NOX4: variants seen among roughly 807,000 people sequenced by gnomAD.
NOX4 encodes the protein NADPH oxidase 4.
Under a neutral mutation model 87.6 loss-of-function variants are expected in NOX4, and 69 were observed. The ratio of observed to expected loss-of-function variants is 0.79; its 90% confidence interval spans 0.65 to 0.96. The LOEUF is 0.96. NOX4 is among the 40% of genes least tolerant of loss of function. The pLI is 0.00. For missense variants in NOX4, 680 were observed against 681.5 expected (o/e 1.00, Z 0.02); for synonymous variants, 275 against 238.2 (o/e 1.15, Z -1.42).
intron 8 of NOX4, among the ~76,000 whole-genome samples, chr11:89,412,682 A>T (rs1942542883): frequency 6.6e-6 from 1 of 152,096 alleles, no homozygotes; most frequent in Admixed American, 6.6e-5. Flanking sequence ...AAAAAAATCA[A>T]AATTGATTGA....
the NOX4 span, among the ~76,000 whole-genome samples, chr11:89,562,541 A>G: frequency 6.6e-6 from 1 of 152,268 alleles, no homozygotes; most frequent in Admixed American, 6.5e-5. Context: ...AGCCTAAAGT[A>G]CTTAACATGG....
the NOX4 span, among the ~76,000 whole-genome samples, chr11:89,554,623 A>T: frequency 6.6e-6 from 1 of 152,148 alleles, no homozygotes; most frequent in African/African-American, 2.4e-5. Flanking sequence ...AGACTTCTAG[A>T]TATTACCTAA....
intron 8 of NOX4, among the ~76,000 whole-genome samples, chr11:89,404,454 C>G (rs940635649): frequency 1.3e-5 from 2 of 152,048 alleles, no homozygotes; most frequent in African/African-American, 4.8e-5. Context: ...TTCAAAGAAG[C>G]TGAACATAAA....
chr11:89,517,694 G>A, the NOX4 span, among the ~76,000 whole-genome samples: 29 of 151,404 alleles, frequency 1.9e-4, no homozygotes, highest in African/African-American at 5.3e-4. Flanking sequence ...TGTTACCCAT[G>A]CTGGTCTCAA....
intron 2 of NOX4, among the ~76,000 whole-genome samples, chr11:89,478,784 C>T (rs181274902): frequency 6.6e-5 from 10 of 152,208 alleles, no homozygotes; most frequent in African/African-American, 2.2e-4. Flanking sequence ...CCAAGATTTA[C>T]GTTTGACTCA....
intron 8 of NOX4, among the ~76,000 whole-genome samples, chr11:89,412,633 C>T (rs565526112): frequency 6.6e-6 from 1 of 151,874 alleles, no homozygotes; most frequent in East Asian, 1.9e-4. Context: ...ATACAACATG[C>T]CAGAAGAATA....
At chr11:89,585,047 A>G in the NOX4 span, among the ~76,000 whole-genome samples, 1 of 152,082 alleles carries the variant, frequency 6.6e-6, no homozygotes, top group Admixed American at 6.6e-5. Flanking sequence ...GGGCCTCACC[A>G]TTATTGGGTG....
At chr11:89,437,551 A>G (rs913939844) in intron 6 of NOX4, among the ~76,000 whole-genome samples, 7 of 152,074 alleles carry the variant, frequency 4.6e-5, no homozygotes, top group African/African-American at 1.7e-4. Flanking sequence ...GCTGGCCAGC[A>G]TAGTACTTCT....
chr11:89,366,327 C>A (rs1014615985), intron 12 of NOX4, among the ~76,000 whole-genome samples: 15 of 152,062 alleles, frequency 9.9e-5, no homozygotes, highest in Non-Finnish European at 1.5e-5. Flanking sequence ...CACTTCACCA[C>A]AATAACTCTA....
chr11:89,532,794 T>C, the NOX4 span, among the ~76,000 whole-genome samples: 1 of 152,262 alleles, frequency 6.6e-6, no homozygotes, highest in East Asian at 1.9e-4. Flanking sequence ...TGGGCTACAA[T>C]AGGATCATGG....
chr11:89,562,137 C>T, the NOX4 span, among the ~76,000 whole-genome samples: 3 of 152,156 alleles, frequency 2.0e-5, no homozygotes, highest in South Asian at 6.2e-4. Flanking sequence ...CACCTATATT[C>T]ACTTGTTGCA....
chr11:89,421,606 T>G (rs1327261538), intron 8 of NOX4, among the ~76,000 whole-genome samples: 4 of 152,162 alleles, frequency 2.6e-5, no homozygotes, highest in Admixed American at 6.6e-5. Flanking sequence ...ATTCTTAAAT[T>G]TTTTCATTTA....
At chr11:89,458,769 A>T (rs755517675) in intron 2 of NOX4, among the ~76,000 whole-genome samples, 12 of 152,196 alleles carry the variant, frequency 7.9e-5, no homozygotes, top group Non-Finnish European at 1.2e-4. Context: ...ATCTCACACC[A>T]GTCAGAATGG....
intron 12 of NOX4, among the ~76,000 whole-genome samples, chr11:89,372,922 A>G (rs988642349): frequency 2.0e-5 from 3 of 151,948 alleles, no homozygotes; most frequent in African/African-American, 7.2e-5. Context: ...CTCTCAGGTA[A>G]TAAAAAGTAT....
chr11:89,373,713 G>A (rs1300759259), intron 11 of NOX4, among the ~76,000 whole-genome samples: 6 of 152,056 alleles, frequency 3.9e-5, no homozygotes, highest in African/African-American at 1.4e-4. Context: ...AAATACTTAT[G>A]TAAAACAATA....
At chr11:89,460,528 A>T (rs1279835285) in intron 2 of NOX4, among the ~76,000 whole-genome samples, 1 of 152,244 alleles carries the variant, frequency 6.6e-6, no homozygotes, top group African/African-American at 2.4e-5. Context: ...AAAAGAAGAC[A>T]TTTATGCAGC....
At chr11:89,350,655 AT>A (rs745709631) in intron 13 of NOX4, among the ~76,000 whole-genome samples, 14 of 152,334 alleles carry the variant, frequency 9.2e-5, no homozygotes, top group Non-Finnish European at 1.8e-4. Flanking sequence ...TGAGGAAAAA[AT>A]ATCAATGTAG....
chr11:89,490,952 C>T (rs577710229), intron 1 of NOX4: 31 of 665,138 alleles, frequency 4.7e-5, no homozygotes, highest in Middle Eastern at 2.3e-4. Flanking sequence ...CCTCTTCCCT[C>T]TTCCTCCACA....
chr11:89,446,216 A>G (rs1944696077), intron 4 of NOX4, among the ~76,000 whole-genome samples: 2 of 152,114 alleles, frequency 1.3e-5, no homozygotes, highest in Admixed American at 1.3e-4. Context: ...AACACCAAAT[A>G]TTGGTGAGAT....
Sources: gnomAD v4.1 joint callset for allele counts (sites outside exome capture counted in the v4.1 genomes callset) on GRCh38, gnomAD v4.1.1 for gene constraint, MANE v1.5 for transcripts, NCBI Gene and HGNC (gene_info 2026-07-23, HGNC 2026-07-21) for gene names.